RPS6KC1: variants seen among roughly 807,000 people sequenced by gnomAD.
RPS6KC1 encodes the protein inactive ribosomal protein S6 kinase delta-1.
A neutral mutation model predicts 103.8 loss-of-function variants in RPS6KC1; 54 were observed. That is an observed-to-expected ratio of 0.52 (90% CI 0.42 to 0.65). RPS6KC1 has a LOEUF of 0.65. RPS6KC1 is among the 30% of genes least tolerant of loss of function. RPS6KC1 has a pLI of 0.00. For missense variants in RPS6KC1, 1,151 were observed against 1,253.8 expected, an observed-to-expected ratio of 0.92 and a Z score of 1.24; for synonymous variants, 439 against 438.7, an observed-to-expected ratio of 1.00 and a Z score of -0.01.
chr1:213,158,205 G>A (rs149523971), intron 6 of RPS6KC1, among the ~76,000 whole-genome samples: 68 of 152,248 alleles, frequency 4.5e-4, no homozygotes, highest in African/African-American at 1.6e-3. Context: ...AATGGCACTA[G>A]TTAAATACAT....
the RPS6KC1 span, among the ~76,000 whole-genome samples, chr1:213,764,205 G>A: frequency 6.6e-6 from 1 of 152,224 alleles, no homozygotes; most frequent in Non-Finnish European, 1.5e-5. Flanking sequence ...CACGCAGAGA[G>A]AGAAGCTATT....
At chr1:213,706,993 G>A in the RPS6KC1 span, among the ~76,000 whole-genome samples, 1 of 152,130 alleles carries the variant, frequency 6.6e-6, no homozygotes, top group Non-Finnish European at 1.5e-5. Flanking sequence ...GTTGTGAATA[G>A]TGCTGCAGTA....
the RPS6KC1 span, among the ~76,000 whole-genome samples, chr1:213,588,292 C>CT: frequency 1.3e-5 from 2 of 150,580 alleles, no homozygotes; most frequent in African/African-American, 4.9e-5. Flanking sequence ...CCTAAAACCT[C>CT]TGTCTTTTTT....
At chr1:213,088,121 A>G (rs2080594848) in intron 3 of RPS6KC1, among the ~76,000 whole-genome samples, 1 of 152,122 alleles carries the variant, frequency 6.6e-6, no homozygotes, top group Non-Finnish European at 1.5e-5. Flanking sequence ...GCATGCTTGA[A>G]TTCTGGAGGA....
At chr1:213,553,875 G>A in the RPS6KC1 span, among the ~76,000 whole-genome samples, 2 of 152,060 alleles carry the variant, frequency 1.3e-5, no homozygotes, top group South Asian at 4.1e-4. Context: ...TTTTTGTGGG[G>A]TTGTTCGTTT....
the RPS6KC1 span, among the ~76,000 whole-genome samples, chr1:213,713,242 T>C: frequency 2.0e-5 from 3 of 152,100 alleles, no homozygotes; most frequent in Non-Finnish European, 4.4e-5. Context: ...CCATTTTTGA[T>C]GTATAAAAGT....
At chr1:213,562,875 G>T in the RPS6KC1 span, among the ~76,000 whole-genome samples, 2 of 151,756 alleles carry the variant, frequency 1.3e-5, no homozygotes, top group Non-Finnish European at 2.9e-5. Flanking sequence ...TGTTGCCCAG[G>T]CTGGTCTTGA....
At chr1:213,483,242 G>A in the RPS6KC1 span, among the ~76,000 whole-genome samples, 1 of 152,042 alleles carries the variant, frequency 6.6e-6, no homozygotes, top group Non-Finnish European at 1.5e-5. Context: ...ACAGCATGAG[G>A]GTAACCACCC....
the RPS6KC1 span, among the ~76,000 whole-genome samples, chr1:213,684,944 G>T: frequency 6.6e-6 from 1 of 152,336 alleles, no homozygotes; most frequent in East Asian, 1.9e-4. Flanking sequence ...ATTGCCTGAA[G>T]CCAGTTTGAG....
chr1:213,385,594 A>G, the RPS6KC1 span, among the ~76,000 whole-genome samples: 8,789 of 152,224 alleles, frequency 0.058, 447 homozygotes, highest in African/African-American at 0.14. Context: ...GATTTGTAGG[A>G]TGCATATGTC....
the RPS6KC1 span, among the ~76,000 whole-genome samples, chr1:213,418,661 G>A: frequency 2.0e-5 from 3 of 152,196 alleles, no homozygotes; most frequent in East Asian, 5.8e-4. Flanking sequence ...CTCTTCCCCA[G>A]TACAGATTTC....
rs139942392 is a variant in RPS6KC1 at position 213,240,956 on chromosome 1, T to C, written c.1480T>C (p.Ser494Pro). Residue 494 changes from serine to proline, a missense_variant, in exon 11 of 15, where the codon TCT (serine) becomes CCT (proline). Transcript: ENST00000366960. ...SNQEDDGQDS[S>P]PKWPDSGSSS... Reference sequence around the variant, plus strand: ...CCAGGAAGATGATGGCCAAGATAGCTCTCCAAAGTGGCCAGATTCTGGTTC... The same window carrying C: ...CCAGGAAGATGATGGCCAAGATAGCCCTCCAAAGTGGCCAGATTCTGGTTC... The C allele has an allele frequency of 4.4e-4, 704 of 1,613,836 alleles. 9 individuals are homozygous for C. The highest frequency in any genetic ancestry group is 4.9e-4 in the Non-Finnish European group (584 of 1,179,940).
At chr1:213,665,232 C>CGATG in the RPS6KC1 span, among the ~76,000 whole-genome samples, 1 of 151,010 alleles carries the variant, frequency 6.6e-6, no homozygotes, top group South Asian at 2.1e-4. Context: ...ACACATTTTT[C>CGATG]GATGTCAAAA....
the RPS6KC1 span, among the ~76,000 whole-genome samples, chr1:213,704,096 C>T: frequency 6.6e-6 from 1 of 152,084 alleles, no homozygotes; most frequent in Non-Finnish European, 1.5e-5. Flanking sequence ...CTCTTAAAAA[C>T]TCTGATGTAG....
the RPS6KC1 span, among the ~76,000 whole-genome samples, chr1:213,438,063 T>C: frequency 2.6e-5 from 4 of 152,172 alleles, no homozygotes; most frequent in East Asian, 5.8e-4. Flanking sequence ...CTTCTTCTGC[T>C]GTATCTAATC....
chr1:213,063,326 C>T (rs1207308478), intron 1 of RPS6KC1, among the ~76,000 whole-genome samples: 1 of 152,194 alleles, frequency 6.6e-6, no homozygotes, highest in African/African-American at 2.4e-5. Flanking sequence ...AGCCAATTGG[C>T]TTATGTCCTG....
At chr1:213,349,452 A>G in the RPS6KC1 span, among the ~76,000 whole-genome samples, 1 of 152,300 alleles carries the variant, frequency 6.6e-6, no homozygotes, top group South Asian at 2.1e-4. Flanking sequence ...CATCTTCAAG[A>G]TGCTTAGGCA....
intron 8 of RPS6KC1, among the ~76,000 whole-genome samples, chr1:213,192,845 C>T (rs2092798694): frequency 6.6e-6 from 1 of 152,064 alleles, no homozygotes; most frequent in Admixed American, 6.5e-5. Flanking sequence ...GTAAACTGCC[C>T]TCAGTACTGC....
chr1:213,744,919 A>G, the RPS6KC1 span, among the ~76,000 whole-genome samples: 1 of 152,236 alleles, frequency 6.6e-6, no homozygotes, highest in Non-Finnish European at 1.5e-5. Flanking sequence ...GCTGACCCAG[A>G]TAAGCAGACC....
Sources: gnomAD v4.1 joint callset for allele counts (sites outside exome capture counted in the v4.1 genomes callset) on GRCh38, gnomAD v4.1.1 for gene constraint, MANE v1.5 for transcripts, NCBI Gene and HGNC (gene_info 2026-07-23, HGNC 2026-07-21) for gene names.